CMTR1: variants seen among roughly 807,000 people sequenced by gnomAD.
The protein encoded by CMTR1 is cap-specific mRNA (nucleoside-2'-O-)-methyltransferase 1.
A neutral mutation model predicts 107.0 loss-of-function variants in CMTR1; 39 were observed. That is an observed-to-expected ratio of 0.36 (90% CI 0.28 to 0.48). The LOEUF is 0.48. CMTR1 is among the 20% of genes least tolerant of loss of function. CMTR1 has a pLI of 0.99. For synonymous variants in CMTR1, 366 were observed against 379.5 expected (o/e 0.96, Z 0.41); for missense variants, 672 against 1,064.9 (o/e 0.63, Z 5.14).
rs527511148 is a variant in CMTR1 at position 37,447,942 on chromosome 6, G to A, written c.444+1493G>A. 1.7e-3 allele frequency among the ~76,000 whole-genome samples: 259 copies of A among 151,752 alleles called. 1 individual carries two copies. The highest frequency in any genetic ancestry group is 5.7e-3 in the African/African-American group (235 of 41,378). On this transcript the variant is annotated intron_variant, in intron 4 of 23. Coordinates refer to ENST00000373451, the MANE Select transcript of CMTR1 (RefSeq NM_015050.3). ...TAGGTCAAGTGGGGCCAGGCATGGT[G>A]GCTCACGCCTGTAACCCCAGCACTT...
chr6:37,480,957 G>A lies in CMTR1; in HGVS notation c.*812G>A. 1.6e-6 allele frequency: 2 copies of A among 1,251,626 alleles called. No individual in the cohort carries two copies. The highest frequency in any genetic ancestry group is 1.0e-6 in the Non-Finnish European group (1 of 968,988). 77.5% of individuals were successfully genotyped at this position (1,251,626 alleles called of 1,614,324 possible). On this transcript the variant is annotated 3_prime_UTR_variant, in exon 24 of 24. Transcript: ENST00000373451. ...ACCCGTCTTTCCCCCACAGCAGCAG[G>A]GGCCCCAGCAGTAACAAAGGGTACC...
chr6:37,478,385 C>T, intron 21 of CMTR1, 24 bp from the exon 22 acceptor site: 1 of 1,575,354 alleles, frequency 6.3e-7, no homozygotes, highest in Non-Finnish European at 8.7e-7. Context: ...CTCTCTCATG[C>T]ACGTACCTTC....
In CMTR1 at chr6:37,476,162, C is replaced by G. The variant is rs1485336106; in HGVS notation, c.2073C>G (p.Ser691=). Residue 691 remains serine, a synonymous_variant, in exon 20 of 24, where the codon TCC becomes TCG. Coordinates refer to ENST00000373451, the MANE Select transcript of CMTR1 (RefSeq NM_015050.3). The part of the protein sequence containing the change: ...QLAEKFVKAV[S]KPSRPDMNPI... ...CCGAGAAATTTGTGAAAGCCGTTTC[C>G]AAGCCTAGTCGGCCCGACATGAATC... The G allele has an allele frequency of 8.1e-6, 13 of 1,613,978 alleles. No homozygotes were observed. Among genetic ancestry groups the G allele is most frequent in the Non-Finnish European group, 1.1e-5 (13 of 1,180,014 alleles).
chr6:37,478,315 G>C, intron 21 of CMTR1, 94 bp from the exon 22 acceptor site: 1 of 963,072 alleles, frequency 1.0e-6, no homozygotes, highest in South Asian at 1.4e-5. Flanking sequence ...ACCAGGATCA[G>C]ATACTGCAGT....
chr6:37,443,913 A>G (rs1408060723), intron 2 of CMTR1, 86 bp from the exon 3 acceptor site: 15 of 1,439,064 alleles, frequency 1.0e-5, no homozygotes, highest in Non-Finnish European at 1.3e-5. Context: ...TGTATACTGA[A>G]CAGTAGTTGA....
Position 37,453,097 on chromosome 6 carries a change from G to C in CMTR1, c.660G>C (p.Arg220=). The C allele has an allele frequency of 6.2e-7, 1 of 1,614,130 alleles. No homozygotes were observed. Among genetic ancestry groups the C allele is most frequent in the Non-Finnish European group, 8.5e-7 (1 of 1,180,020 alleles). Residue 220 remains arginine, a synonymous_variant, in exon 7 of 24, where the codon CGG becomes CGC. Coordinates refer to ENST00000373451, the MANE Select transcript of CMTR1 (RefSeq NM_015050.3). ...DGEEMRRART[R]ANPYEMIRGV... Reference sequence around the variant, plus strand: ...AAGAGATGCGGCGAGCTCGGACTCGGGCCAATCCCTATGAGATGATCCGAG... The same window carrying C: ...AAGAGATGCGGCGAGCTCGGACTCGCGCCAATCCCTATGAGATGATCCGAG...
intron 20 of CMTR1, among the ~76,000 whole-genome samples, chr6:37,477,122 G>A (rs1359668636): frequency 1.3e-5 from 2 of 152,196 alleles, no homozygotes; most frequent in Non-Finnish European, 2.9e-5. Context: ...ATTCTTGTTA[G>A]GGTTTCCCCA....
At chr6:37,477,735 C>CGGGGGGGGGGGG in intron 21 of CMTR1, 96 bp downstream of exon 21, 1 of 373,492 alleles carries the variant, frequency 2.7e-6, no homozygotes. Flanking sequence ...GGGTCGGGGG[C>CGGGGGGGGGGGG]GGGGGGTGGT....
intron 21 of CMTR1, among the ~76,000 whole-genome samples, chr6:37,477,980 A>G (rs1761772293): frequency 6.6e-6 from 1 of 152,212 alleles, no homozygotes; most frequent in Admixed American, 6.5e-5. Context: ...TGAGAGAGAA[A>G]TTGAGCCTGG....
At chr6:37,478,375 C>G (rs748429026) in intron 21 of CMTR1, 34 bp from the exon 22 acceptor site, 3 of 1,532,190 alleles carry the variant, frequency 2.0e-6, no homozygotes, top group Non-Finnish European at 2.7e-6. Context: ...AGGGCCTTTT[C>G]TCTCTCATGC....
At chr6:37,455,068 T>A (rs897794559) in intron 8 of CMTR1, among the ~76,000 whole-genome samples, 3 of 148,938 alleles carry the variant, frequency 2.0e-5, no homozygotes, top group Non-Finnish European at 4.4e-5. Context: ...TGACAAGTGA[T>A]GGAGAGAGCA....
rs184274247 is a variant in CMTR1, at chr6:37,443,376, T to G, written c.134-623T>G. On this transcript the variant is annotated intron_variant, in intron 2 of 23. Coordinates refer to ENST00000373451, the MANE Select transcript of CMTR1 (RefSeq NM_015050.3). The stretch of plus-strand genomic sequence containing the variant: ...GTACTTTCTTTTTTTTTTTTTGAGA[T>G]GGAGTCTCACTCTTTTTGCCCAGAC... Among the ~76,000 whole-genome samples the G allele has an allele frequency of 7.8e-4, 118 of 151,388 alleles. 1 individual carries two copies. In the South Asian group the frequency reaches 0.014, roughly 18 times the overall value.
chr6:37,474,736 T>A, intron 18 of CMTR1, 90 bp downstream of exon 18: 2 of 1,560,522 alleles, frequency 1.3e-6, no homozygotes, highest in Non-Finnish European at 1.7e-6. Flanking sequence ...TTAACTTGGT[T>A]ACATTGTGTG....
At chr6:37,455,075 A>G (rs1261810838) in intron 8 of CMTR1, among the ~76,000 whole-genome samples, 2 of 139,256 alleles carry the variant, frequency 1.4e-5, no homozygotes, top group Non-Finnish European at 3.0e-5. Flanking sequence ...TGATGGAGAG[A>G]GCAGACTGAA....
chr6:37,462,040 C>T lies in CMTR1; in HGVS notation c.1263C>T (p.Tyr421=), dbSNP rs1229605515. 1.2e-6 allele frequency: 2 copies of T among 1,614,014 alleles called. No individual in the cohort carries two copies. Among genetic ancestry groups the T allele is most frequent in the Non-Finnish European group, 1.7e-6 (2 of 1,180,022 alleles). Residue 421 remains tyrosine, a synonymous_variant, in exon 12 of 24, where the codon TAC becomes TAT. Transcript: ENST00000373451. ...GTGTGGGGCTTGTCTACCTGCTGTA[C>T]TGCTGCTTTGAACGAGTTTGTCTCT... The part of the protein sequence containing the change: ...PFSVGLVYLL[Y]CCFERVCLFK...
intron 10 of CMTR1, among the ~76,000 whole-genome samples, chr6:37,460,100 T>A (rs1389365396): frequency 6.6e-6 from 1 of 152,208 alleles, no homozygotes; most frequent in East Asian, 1.9e-4. Context: ...CATTGCAGCT[T>A]TGTTCAGCAG....
At chr6:37,459,539 C>T (rs1761360142) in intron 9 of CMTR1, 27 bp from the exon 10 acceptor site, 1 of 1,591,140 alleles carries the variant, frequency 6.3e-7, no homozygotes, top group Non-Finnish European at 8.6e-7. Flanking sequence ...GGCAGATGAA[C>T]TCACTATGAC....
At chr6:37,469,840 T>G (rs1311105506) in intron 13 of CMTR1, among the ~76,000 whole-genome samples, 1 of 151,976 alleles carries the variant, frequency 6.6e-6, no homozygotes, top group Non-Finnish European at 1.5e-5. Flanking sequence ...ATATATTGTT[T>G]TATTCTTTCC....
intron 13 of CMTR1, among the ~76,000 whole-genome samples, chr6:37,464,001 C>G (rs1048071980): frequency 6.6e-6 from 1 of 152,180 alleles, no homozygotes; most frequent in Non-Finnish European, 1.5e-5. Context: ...CATGGCAGAA[C>G]TGGAATTCTT....
Sources: gnomAD v4.1 joint callset for allele counts (sites outside exome capture counted in the v4.1 genomes callset) on GRCh38, gnomAD v4.1.1 for gene constraint, MANE v1.5 for transcripts, NCBI Gene and HGNC (gene_info 2026-07-23, HGNC 2026-07-21) for gene names.